The following PFDN1 variants were observed in gnomAD, a reference collection of about 807,000 sequenced individuals.
PFDN1 encodes prefoldin 1.
Under a neutral mutation model 17.3 loss-of-function variants are expected in PFDN1, and 6 were observed. The observed-to-expected ratio is 0.35, with a 90% CI of 0.19 to 0.69. The LOEUF is 0.69. Ranked by LOEUF, PFDN1 falls within the 30% of genes least tolerant of loss-of-function variation. The probability of loss-of-function intolerance (pLI) is 0.65; values close to 1 mark genes in which losing one functional copy is unlikely to be tolerated. For synonymous variants in PFDN1, 58 were observed against 50.1 expected, an observed-to-expected ratio of 1.16 and a Z score of -0.67; for missense variants, 113 against 146.2, an observed-to-expected ratio of 0.77 and a Z score of 1.17.
chr5:140,258,796 C>CGTTT (rs1561495840), intron 3 of PFDN1, among the ~76,000 whole-genome samples: 1 of 152,148 alleles, frequency 6.6e-6, no homozygotes, highest in Non-Finnish European at 1.5e-5. Flanking sequence ...AGGGAAGATT[C>CGTTT]TGAGCTTCGT....
intron 3 of PFDN1, among the ~76,000 whole-genome samples, chr5:140,253,246 C>A (rs992949409): frequency 3.3e-5 from 5 of 152,160 alleles, no homozygotes; most frequent in Non-Finnish European, 7.4e-5. Context: ...TAAGCGCTGA[C>A]CTGTTTTCCT....
At chr5:140,296,579 GAA>G (rs1174405586) in intron 2 of PFDN1, among the ~76,000 whole-genome samples, 1 of 152,140 alleles carries the variant, frequency 6.6e-6, no homozygotes, top group Admixed American at 6.5e-5. Context: ...ATTTCACAAG[GAA>G]AAGAGGAATA....
chr5:140,266,464 C>G (rs1055215431), intron 3 of PFDN1, among the ~76,000 whole-genome samples: 1 of 152,184 alleles, frequency 6.6e-6, no homozygotes, highest in Non-Finnish European at 1.5e-5. Context: ...GTATGCTTTC[C>G]CAAGATATTT....
At chr5:140,248,990 G>A (rs927905997) in intron 3 of PFDN1, among the ~76,000 whole-genome samples, 5 of 152,140 alleles carry the variant, frequency 3.3e-5, no homozygotes, top group South Asian at 2.1e-4. Flanking sequence ...TTAAATAAAC[G>A]TAGTAGACAT....
chr5:140,255,545 A>G (rs1764973690), intron 3 of PFDN1, among the ~76,000 whole-genome samples: 1 of 152,178 alleles, frequency 6.6e-6, no homozygotes, highest in Admixed American at 6.5e-5. Flanking sequence ...AGGCTAAGGC[A>G]GGAGGATCAC....
intron 3 of PFDN1, among the ~76,000 whole-genome samples, chr5:140,278,573 AAAAAAAAAAAAAAAC>A (rs1765338847): frequency 8.7e-6 from 1 of 115,446 alleles, no homozygotes; most frequent in East Asian, 2.5e-4. Context: ...AAAAAAAAAA[AAAAAAAAAAAAAAAC>A]AAAAAACAAA....
intron 3 of PFDN1, among the ~76,000 whole-genome samples, chr5:140,279,708 G>GA (rs1276944227): frequency 6.6e-6 from 1 of 151,806 alleles, no homozygotes; most frequent in Non-Finnish European, 1.5e-5. Flanking sequence ...GAGATTGTAA[G>GA]AAAAAAATCA....
intron 3 of PFDN1, among the ~76,000 whole-genome samples, chr5:140,278,117 A>C (rs916173452): frequency 2.6e-5 from 4 of 152,038 alleles, no homozygotes; most frequent in African/African-American, 9.7e-5. Context: ...CTGATGCAGA[A>C]GAATCGCTTG....
intron 3 of PFDN1, among the ~76,000 whole-genome samples, chr5:140,263,578 C>G (rs1765095021): frequency 6.6e-6 from 1 of 152,096 alleles, no homozygotes. Context: ...AACACCGTAT[C>G]AGTCTATTTT....
intron 3 of PFDN1, among the ~76,000 whole-genome samples, chr5:140,273,611 G>A (rs1765244706): frequency 1.3e-5 from 2 of 151,674 alleles, no homozygotes; most frequent in Non-Finnish European, 2.9e-5. Context: ...GACCAAAACT[G>A]TCATTTTTGT....
At chr5:140,270,861 G>A (rs1304897807) in intron 3 of PFDN1, among the ~76,000 whole-genome samples, 1 of 152,118 alleles carries the variant, frequency 6.6e-6, no homozygotes, top group Non-Finnish European at 1.5e-5. Flanking sequence ...GGGAGGTGGA[G>A]CTTGCAGTGA....
intron 3 of PFDN1, among the ~76,000 whole-genome samples, chr5:140,271,966 A>G (rs987740596): frequency 2.1e-5 from 3 of 144,418 alleles, no homozygotes; most frequent in South Asian, 4.2e-4. Context: ...ATATATATTT[A>G]TATACATAAG....
intron 3 of PFDN1, among the ~76,000 whole-genome samples, chr5:140,279,794 G>A (rs1360576831): frequency 1.3e-5 from 2 of 151,724 alleles, no homozygotes; most frequent in African/African-American, 4.8e-5. Flanking sequence ...TCGGGAGTTC[G>A]AGACCAGCCT....
chr5:140,277,944 C>T lies in PFDN1; in HGVS notation c.285+3505G>A, dbSNP rs570201471. Among the ~76,000 whole-genome samples the T allele has an allele frequency of 3.5e-3, 532 of 152,288 alleles. 5 individuals carry two copies. Among genetic ancestry groups the T allele is most frequent in the African/African-American group, 0.012 (500 of 41,552 alleles). ...AGCTGACAGGTCAGGTGCTGTGGCT[C>T]ACACCTGTAATCCCAGCACTTTGGG... On this transcript the variant is annotated intron_variant, in intron 3 of 3. Coordinates refer to ENST00000261813, the MANE Select transcript of PFDN1 (RefSeq NM_002622.5).
intron 2 of PFDN1, among the ~76,000 whole-genome samples, chr5:140,296,354 G>T (rs1765653291): frequency 6.6e-6 from 1 of 152,064 alleles, no homozygotes; most frequent in Non-Finnish European, 1.5e-5. Context: ...TGAGAATGAG[G>T]AAACAAAGAT....
At chr5:140,298,832 G>T (rs1425157273) in intron 2 of PFDN1, among the ~76,000 whole-genome samples, 5 of 151,508 alleles carry the variant, frequency 3.3e-5, no homozygotes, top group Non-Finnish European at 5.9e-5. Context: ...TCGGCTCACT[G>T]CAACCTCCAC....
intron 3 of PFDN1, among the ~76,000 whole-genome samples, chr5:140,248,007 A>G (rs1224639617): frequency 2.6e-5 from 4 of 152,200 alleles, no homozygotes; most frequent in African/African-American, 9.7e-5. Context: ...TACATTGCTA[A>G]ACCAAATACA....
chr5:140,287,950 T>A (rs1056409585), intron 2 of PFDN1, among the ~76,000 whole-genome samples: 6 of 152,236 alleles, frequency 3.9e-5, no homozygotes, highest in African/African-American at 1.4e-4. Context: ...CCGATGAAGC[T>A]GTGAAGCAAC....
chr5:140,256,922 C>CA (rs1412762588), intron 3 of PFDN1, among the ~76,000 whole-genome samples: 1 of 151,902 alleles, frequency 6.6e-6, no homozygotes, highest in South Asian at 2.1e-4. Context: ...AGCCTCTGCT[C>CA]AAAAAACCTC....
Sources: allele counts gnomAD v4.1 joint callset (sites outside exome capture counted in the v4.1 genomes callset), GRCh38; gene constraint gnomAD v4.1.1; transcripts MANE v1.5; gene names NCBI Gene and HGNC (gene_info 2026-07-23, HGNC 2026-07-21).